The following DPP6 variants were observed in gnomAD, a reference collection of about 807,000 sequenced individuals.
The protein encoded by DPP6 is A-type potassium channel modulatory protein DPP6.
In DPP6, 69 loss-of-function variants were observed where a neutral mutation model predicts 122.6. The observed-to-expected ratio is 0.56, with a 90% CI of 0.46 to 0.69. The LOEUF is 0.69. Ranked by LOEUF, DPP6 falls within the 30% of genes least tolerant of loss-of-function variation. DPP6 has a pLI of 0.00. For missense variants in DPP6, 928 were observed against 1,116.9 expected (o/e 0.83, Z 2.41); for synonymous variants, 418 against 433.1 (o/e 0.97, Z 0.43).
In DPP6 at chr7:154,875,914, C is replaced by G. The variant is rs754344605; in HGVS notation, c.1892C>G (p.Thr631Ser). Reference sequence around the variant, plus strand: ...CGGGATTCTCTTTCCAGGGATGGCACCCCAGGCAGCCAGAGTGTGGCTGAG... The same window carrying G: ...CGGGATTCTCTTTCCAGGGATGGCAGCCCAGGCAGCCAGAGTGTGGCTGAG... Reference protein sequence around the residue: ...HYPLLLVVDGTPGSQSVAEKF... With the variant: ...HYPLLLVVDGSPGSQSVAEKF... The change falls in exon 20 of 26, where the codon ACC (threonine) becomes AGC (serine). Residue 631 changes from threonine to serine, a missense_variant. Physicochemically the swap from Thr to Ser is moderately conservative, Grantham distance 58. Transcript: ENST00000377770. This position sits in a 1 kb window ranked among gnomAD's most constrained non-coding sequence, Gnocchi z 4.5. 4 of 1,609,922 alleles carry G rather than the reference C, an allele frequency of 2.5e-6. No homozygotes were observed.
At chr7:154,545,958 T>G (rs989546056) in intron 4 of DPP6, among the ~76,000 whole-genome samples, 1 of 152,188 alleles carries the variant, frequency 6.6e-6, no homozygotes, top group Admixed American at 6.5e-5. Context: ...TTCTGCCAGG[T>G]GTTTGGAAAG....
At chr7:153,764,284 C>A in the DPP6 span, among the ~76,000 whole-genome samples, 1 of 152,226 alleles carries the variant, frequency 6.6e-6, no homozygotes, top group African/African-American at 2.4e-5. Context: ...CTCTTGGCCC[C>A]CTTCCTGGTA....
intron 1 of DPP6, among the ~76,000 whole-genome samples, chr7:154,208,299 C>T (rs1012078813): frequency 6.6e-6 from 1 of 152,176 alleles, no homozygotes; most frequent in Non-Finnish European, 1.5e-5. Flanking sequence ...TAAGAGTTGG[C>T]TAGAGACAAG....
At chr7:154,350,311 G>T (rs984667757) in intron 1 of DPP6, among the ~76,000 whole-genome samples, 5 of 152,172 alleles carry the variant, frequency 3.3e-5, no homozygotes, top group African/African-American at 1.2e-4. Context: ...GAGGAACACG[G>T]CCTTGAAGGG....
intron 1 of DPP6, among the ~76,000 whole-genome samples, chr7:154,431,442 CTTTCTTTTCTTTTCTTTTCT>C (rs372693484): frequency 0.016 from 1,938 of 121,734 alleles, 105 homozygotes; most frequent in East Asian, 0.027. Flanking sequence ...TTTTTCTTTC[CTTTCTTTTCTTTTCTTTTCT>C]TTTCTTTTCT....
intron 1 of DPP6, among the ~76,000 whole-genome samples, chr7:154,233,249 G>T (rs1030697076): frequency 1.2e-4 from 18 of 152,344 alleles, no homozygotes; most frequent in African/African-American, 4.3e-4. Flanking sequence ...ATTCGATGTA[G>T]CTGTGAGGGA....
chr7:154,817,077 G>A (rs369232836), intron 16 of DPP6, among the ~76,000 whole-genome samples: 23 of 152,064 alleles, frequency 1.5e-4, no homozygotes, highest in African/African-American at 3.4e-4. Flanking sequence ...ACATCCTCTC[G>A]CTGCAAAACA....
At chr7:154,439,252 A>G (rs1205764944) in intron 1 of DPP6, among the ~76,000 whole-genome samples, 7 of 152,202 alleles carry the variant, frequency 4.6e-5, no homozygotes, top group African/African-American at 1.4e-4. Flanking sequence ...CAGAGAGTCT[A>G]TGCAAAAACA....
At chr7:154,315,507 G>A (rs145822689) in intron 1 of DPP6, among the ~76,000 whole-genome samples, 392 of 152,128 alleles carry the variant, frequency 2.6e-3, no homozygotes, top group East Asian at 6.4e-3. Context: ...CAGGTTGAGC[G>A]TCTCTGTGGT....
chr7:154,027,512 G>T (rs1464268963), intron 1 of DPP6, among the ~76,000 whole-genome samples: 3 of 152,114 alleles, frequency 2.0e-5, no homozygotes, highest in Non-Finnish European at 4.4e-5. Flanking sequence ...TGCTAAGGGC[G>T]CTAGTCCCAT....
At chr7:154,558,276 T>C (rs1388833870) in intron 4 of DPP6, among the ~76,000 whole-genome samples, 1 of 152,208 alleles carries the variant, frequency 6.6e-6, no homozygotes, top group Admixed American at 6.5e-5. Flanking sequence ...TATTGACCTT[T>C]ATATGTGAAT....
chr7:153,787,047 G>T, the DPP6 span, among the ~76,000 whole-genome samples: 1 of 146,452 alleles, frequency 6.8e-6, no homozygotes. Flanking sequence ...CGCTTCCCGG[G>T]TTCACGCCAT....
At chr7:154,788,771 C>T (rs1473367226) in intron 10 of DPP6, among the ~76,000 whole-genome samples, 21 of 152,076 alleles carry the variant, frequency 1.4e-4, no homozygotes, top group Admixed American at 1.4e-3. Context: ...CTTTGGTTAT[C>T]GTGTCTGTAG....
At chr7:153,806,250 T>A in the DPP6 span, among the ~76,000 whole-genome samples, 17,720 of 151,286 alleles carry the variant, frequency 0.12, 1,551 homozygotes, top group African/African-American at 0.26. Flanking sequence ...CCCTTTTAAA[T>A]CTTACAGAGT....
chr7:153,911,325 T>C (rs1231727741), intron 1 of DPP6, among the ~76,000 whole-genome samples: 1 of 152,198 alleles, frequency 6.6e-6, no homozygotes, highest in Non-Finnish European at 1.5e-5. Context: ...TGATCCCTGC[T>C]CAGTCACTCG....
At chr7:153,832,894 A>C in the DPP6 span, among the ~76,000 whole-genome samples, 16 of 152,142 alleles carry the variant, frequency 1.1e-4, no homozygotes, top group African/African-American at 3.9e-4. Flanking sequence ...CAATAGAGAT[A>C]GTGTACTGTA....
At chr7:154,843,398 A>G (rs1037283744) in intron 16 of DPP6, among the ~76,000 whole-genome samples, 1 of 152,222 alleles carries the variant, frequency 6.6e-6, no homozygotes, top group African/African-American at 2.4e-5. Context: ...AAAACAGAAA[A>G]GCAATCCCGT....
chr7:154,374,263 C>T (rs1241968354), intron 1 of DPP6, among the ~76,000 whole-genome samples: 3 of 152,194 alleles, frequency 2.0e-5, no homozygotes, highest in African/African-American at 7.2e-5. Context: ...GTAAATACCT[C>T]ATAGTGTTTT....
intron 1 of DPP6, among the ~76,000 whole-genome samples, chr7:154,062,567 G>A (rs373766187): frequency 9.6e-5 from 1 of 10,456 alleles, no homozygotes; most frequent in Middle Eastern, 0.05. Context: ...CCATCGCAGG[G>A]GGGGGAGGCA....
Sources: gnomAD v4.1 joint callset for allele counts (sites outside exome capture counted in the v4.1 genomes callset) on GRCh38, gnomAD v4.1.1 for gene constraint, Gnocchi (gnomAD v3.1) non-coding constraint, MANE v1.5 for transcripts, NCBI Gene and HGNC (gene_info 2026-07-23, HGNC 2026-07-21) for gene names.